ADAMTS2: variants seen among roughly 807,000 people sequenced by gnomAD.
ADAMTS2 encodes A disintegrin and metalloproteinase with thrombospondin motifs 2.
A neutral mutation model predicts 123.0 loss-of-function variants in ADAMTS2; 50 were observed. The ratio of observed to expected loss-of-function variants is 0.41; its 90% CI spans 0.32 to 0.51. The LOEUF is 0.51. Among genes scored for constraint, ADAMTS2 ranks in the 20% least tolerant of loss-of-function variants. The probability of loss-of-function intolerance (pLI) is 0.35; values close to 1 mark genes in which losing one functional copy is unlikely to be tolerated. For missense variants in ADAMTS2, 1,494 were observed against 1,705.2 expected (o/e 0.88, Z 2.18); for synonymous variants, 678 against 695.4 (o/e 0.98, Z 0.39).
chr5:179,273,155 C>T, intron 2 of ADAMTS2, 91 bp from the exon 3 acceptor site: 2 of 1,577,718 alleles, frequency 1.3e-6, no homozygotes, highest in East Asian at 2.2e-5. Flanking sequence ...GAGTACCTCC[C>T]ACCTGAAGAC....
rs1330548988 is a variant in ADAMTS2, at chr5:179,202,663, G to A, written c.891+4850C>T. On this transcript the variant is annotated intron_variant, in intron 4 of 21. Coordinates refer to ENST00000251582, the MANE Select transcript of ADAMTS2 (RefSeq NM_014244.5). This position sits in a 1 kb window ranked among gnomAD's most constrained non-coding sequence, Gnocchi z 4.0. ...CCAGGGGCACCAGACAGAGGAGGAT[G>A]GCTATGCCGAGAATCCACCCCATCT... is the stretch of plus-strand genomic sequence containing the variant. 6.6e-6 allele frequency among the ~76,000 whole-genome samples: 1 copy of A among 152,060 alleles called. No individual in the cohort carries two copies. Among genetic ancestry groups the A allele is most frequent in the East Asian group, 1.9e-4 (1 of 5,148 alleles).
intron 3 of ADAMTS2, among the ~76,000 whole-genome samples, chr5:179,208,042 C>T (rs945185845): frequency 7.8e-6 from 1 of 128,914 alleles, no homozygotes. Flanking sequence ...GAGACCCAGC[C>T]CAGCATCACC....
intron 2 of ADAMTS2, among the ~76,000 whole-genome samples, chr5:179,283,487 T>C (rs1755885929): frequency 7.4e-6 from 1 of 135,060 alleles, no homozygotes; most frequent in Non-Finnish European, 1.5e-5. Flanking sequence ...GTAAAACTAA[T>C]GTATACCTTC....
chr5:179,227,995 C>T (rs896868606), intron 3 of ADAMTS2, among the ~76,000 whole-genome samples: 6 of 152,050 alleles, frequency 3.9e-5, no homozygotes, highest in Middle Eastern at 3.2e-3. Flanking sequence ...CCTGGGCAAC[C>T]GGTCACCCTG....
intron 2 of ADAMTS2, among the ~76,000 whole-genome samples, chr5:179,287,346 C>T (rs997670572): frequency 2.6e-5 from 4 of 152,152 alleles, no homozygotes; most frequent in African/African-American, 9.7e-5. Context: ...TGAGTGCAGG[C>T]GCAGGGAGAC....
Position 179,197,361 on chromosome 5 carries a change from C to A in ADAMTS2, c.891+10152G>T, listed in dbSNP as rs1253453271. ...TAGCGCTTTAGTGAAATGCTTGAAG[C>A]CACAAAGGAAGCTTCAGCCTTGGGC... On this transcript the variant is annotated intron_variant, in intron 4 of 21. Coordinates refer to ENST00000251582, the MANE Select transcript of ADAMTS2 (RefSeq NM_014244.5). The surrounding 1 kb of genome is among the most constrained non-coding windows in gnomAD (Gnocchi z 4.2). 6.6e-6 allele frequency among the ~76,000 whole-genome samples: 1 copy of A among 152,192 alleles called. No homozygotes were observed. Among genetic ancestry groups the A allele is most frequent in the Admixed American group, 6.5e-5 (1 of 15,284 alleles).
At position 179,185,668 on chromosome 5, in the gene ADAMTS2, G is replaced by A. The variant is rs1467411935; in HGVS notation, c.892-4513C>T. On this transcript the variant is annotated intron_variant, in intron 4 of 21. Transcript: ENST00000251582. The surrounding 1 kb of genome is among the most constrained non-coding windows in gnomAD (Gnocchi z 5.9). ...GGCATGGAACTCCCTGGGATAGACC[G>A]TCAGCCTCACATTCTGCTTGGAGGT... 2.0e-5 allele frequency among the ~76,000 whole-genome samples: 3 copies of A among 151,200 alleles called. No individual in the cohort carries two copies. The highest frequency in any genetic ancestry group is 4.4e-5 in the Non-Finnish European group (3 of 68,002).
At chr5:179,321,331 G>A (rs23438) in intron 2 of ADAMTS2, among the ~76,000 whole-genome samples, 40,708 of 151,974 alleles carry the variant, frequency 0.27, 9,049 homozygotes, top group African/African-American at 0.62. Flanking sequence ...CTGCCCCACC[G>A]CAGCATGTGT....
intron 2 of ADAMTS2, among the ~76,000 whole-genome samples, chr5:179,282,334 G>A (rs1281306519): frequency 6.6e-6 from 1 of 152,194 alleles, no homozygotes; most frequent in African/African-American, 2.4e-5. Context: ...TGAGGAAGGG[G>A]TCCAACTTCA....
intron 5 of ADAMTS2, among the ~76,000 whole-genome samples, chr5:179,178,302 G>A (rs746053878): frequency 7.3e-5 from 11 of 150,740 alleles, no homozygotes; most frequent in Admixed American, 6.0e-4. Context: ...AGCTGGAACC[G>A]GATTGCTGGG....
Position 179,322,511 on chromosome 5 carries a change from G to A in ADAMTS2, c.534+21256C>T, listed in dbSNP as rs987248715. Among the ~76,000 whole-genome samples the A allele has an allele frequency of 6.6e-5, 10 of 152,190 alleles. 1 individual carries two copies. Among genetic ancestry groups the A allele is most frequent in the South Asian group, 6.2e-4 (3 of 4,818 alleles). On this transcript the variant is annotated intron_variant, in intron 2 of 21. Coordinates refer to ENST00000251582, the MANE Select transcript of ADAMTS2 (RefSeq NM_014244.5). Reference sequence around the variant, plus strand: ...ACCCTGAGCCACGCTGGGTCCTCCCGCAGGCCCTGAAATAGAGCTTCATTG... The same window carrying A: ...ACCCTGAGCCACGCTGGGTCCTCCCACAGGCCCTGAAATAGAGCTTCATTG...
intron 2 of ADAMTS2, among the ~76,000 whole-genome samples, chr5:179,318,022 C>T (rs1162603445): frequency 2.0e-5 from 3 of 152,190 alleles, no homozygotes; most frequent in Non-Finnish European, 4.4e-5. Context: ...TCCACCTGCA[C>T]GTCCTCCCCA....
Position 179,197,801 on chromosome 5 carries a change from C to A in ADAMTS2, c.891+9712G>T, listed in dbSNP as rs1411315927. Among the ~76,000 whole-genome samples, 3 of 152,210 alleles carry A rather than the reference C, an allele frequency of 2.0e-5. No homozygotes were observed. The highest frequency in any genetic ancestry group is 2.0e-4 in the Admixed American group (3 of 15,284). On this transcript the variant is annotated intron_variant, in intron 4 of 21. Transcript: ENST00000251582. The surrounding 1 kb of genome is among the most constrained non-coding windows in gnomAD (Gnocchi z 4.2). ...CCTGCCTCCCATTTACCTGAGCCTG[C>A]AGAAGAGTCCCTGTCTGTACCTGGG...
At chr5:179,179,645 G>T (rs906032303) in intron 5 of ADAMTS2, among the ~76,000 whole-genome samples, 6 of 152,108 alleles carry the variant, frequency 3.9e-5, no homozygotes, top group Admixed American at 1.3e-4. Context: ...ATTTGTTTTG[G>T]GATGTTTTGT....
intron 10 of ADAMTS2, among the ~76,000 whole-genome samples, chr5:179,146,857 G>A (rs1266654925): frequency 2.0e-5 from 3 of 151,910 alleles, no homozygotes; most frequent in Non-Finnish European, 2.9e-5. Context: ...ATGATAAAAG[G>A]TATATTTGAT....
intron 10 of ADAMTS2, among the ~76,000 whole-genome samples, chr5:179,142,002 CA>C (rs1561775461): frequency 6.6e-6 from 1 of 152,060 alleles, no homozygotes; most frequent in Non-Finnish European, 1.5e-5. Context: ...GTCTGTAGGC[CA>C]GGAATGTCAC....
intron 2 of ADAMTS2, among the ~76,000 whole-genome samples, chr5:179,286,651 C>G (rs919562593): frequency 1.3e-5 from 2 of 152,168 alleles, no homozygotes; most frequent in Admixed American, 6.5e-5. Flanking sequence ...CCCAGGTAGA[C>G]TGCCAGCACC....
chr5:179,193,504 G>A (rs148237042), intron 4 of ADAMTS2, among the ~76,000 whole-genome samples: 34 of 152,228 alleles, frequency 2.2e-4, no homozygotes, highest in African/African-American at 6.7e-4. Context: ...ACTGTATCCC[G>A]GGACCTGGCC....
chr5:179,252,053 G>T (rs1371961596), intron 3 of ADAMTS2, among the ~76,000 whole-genome samples: 1 of 148,554 alleles, frequency 6.7e-6, no homozygotes. Flanking sequence ...TGTCACCCAG[G>T]CTGGAGTGCA....
Sources: allele counts gnomAD v4.1 joint callset (sites outside exome capture counted in the v4.1 genomes callset), GRCh38; gene constraint gnomAD v4.1.1; non-coding constraint Gnocchi (gnomAD v3.1); transcripts MANE v1.5; gene names NCBI Gene and HGNC (gene_info 2026-07-23, HGNC 2026-07-21).